Variants in AGAP1 observed in about 807,000 individuals in gnomAD.
The protein encoded by AGAP1 is arf-GAP with GTPase, ANK repeat and PH domain-containing protein 1.
AGAP1 carries 29 observed loss-of-function variants against 105.3 expected under a neutral mutation model. The ratio of observed to expected loss-of-function variants is 0.28; its 90% CI spans 0.21 to 0.38. The LOEUF is 0.38. Among genes scored for constraint, AGAP1 ranks in the 10% least tolerant of loss-of-function variants. The pLI is 1.00. For synonymous variants in AGAP1, 509 were observed against 485.9 expected (o/e 1.05, Z -0.63); for missense variants, 998 against 1,165.1 (o/e 0.86, Z 2.09).
At chr2:235,853,135 T>C (rs1397542577) in intron 9 of AGAP1, 18 of 1,177,962 alleles carry the variant, frequency 1.5e-5, no homozygotes, top group South Asian at 4.3e-5. Context: ...AAAAAACATT[T>C]ACTGGCGCTT....
chr2:235,527,156 A>G (rs532295006), intron 1 of AGAP1, among the ~76,000 whole-genome samples: 2 of 152,342 alleles, frequency 1.3e-5, no homozygotes, highest in South Asian at 4.1e-4. Context: ...CCTGGAGATG[A>G]GAAACGGTGG....
rs2059724708 is a variant in AGAP1 at position 236,114,574 on chromosome 2, G to A, written c.2115-5618G>A. Among the ~76,000 whole-genome samples, 1 of 152,180 alleles carries A rather than the reference G, an allele frequency of 6.6e-6. No homozygotes were observed. Among genetic ancestry groups the A allele is most frequent in the South Asian group, 2.1e-4 (1 of 4,824 alleles). ...CAGGGTGCCCGCAGGGTTGGTTCTG[G>A]TGAGACCTCTCTCCCTGGCTGACAG... On this transcript the variant is annotated intron_variant, in intron 16 of 17. Transcript: ENST00000304032. This position sits in a 1 kb window ranked among gnomAD's most constrained non-coding sequence, Gnocchi z 5.0.
rs531299608 is a variant in AGAP1 at position 235,982,613 on chromosome 2, T to C, written c.1645+13990T>C. Reference sequence around the variant, plus strand: ...CTCTCCCAGGCTCATTGAAGGAACATAGAGAAGGTTTAGGCCCTGTTTCTT... The same window carrying C: ...CTCTCCCAGGCTCATTGAAGGAACACAGAGAAGGTTTAGGCCCTGTTTCTT... On this transcript the variant is annotated intron_variant, in intron 13 of 17. Coordinates refer to ENST00000304032, the MANE Select transcript of AGAP1 (RefSeq NM_001037131.3). The surrounding 1 kb of genome is among the most constrained non-coding windows in gnomAD (Gnocchi z 4.9). 1.1e-3 allele frequency among the ~76,000 whole-genome samples: 173 copies of C among 152,334 alleles called. No homozygotes were observed. Among genetic ancestry groups the C allele is most frequent in the African/African-American group, 3.6e-3 (148 of 41,578 alleles).
rs13393429 is a variant in AGAP1, at chr2:235,787,290, C to T, written c.674-10469C>T. On this transcript the variant is annotated intron_variant, in intron 6 of 17. Transcript: ENST00000304032. The surrounding 1 kb of genome is among the most constrained non-coding windows in gnomAD (Gnocchi z 4.4). ...TGCTAATGACTTCCTGTTCCACAGG[C>T]GTAACACTTTCTAATGTTTCATTCA... Among the ~76,000 whole-genome samples the T allele has an allele frequency of 8.5e-5, 13 of 152,344 alleles. No individual in the cohort carries two copies. Among genetic ancestry groups the T allele is most frequent in the African/African-American group, 2.9e-4 (12 of 41,588 alleles).
At chr2:236,026,157 A>G (rs1357074992) in intron 13 of AGAP1, among the ~76,000 whole-genome samples, 1 of 152,242 alleles carries the variant, frequency 6.6e-6, no homozygotes, top group Non-Finnish European at 1.5e-5. Context: ...GACAGGTCCC[A>G]GATAAGAGGG....
At position 235,528,292 on chromosome 2, in the gene AGAP1, C is replaced by T. The variant is rs969909034; in HGVS notation, c.163+33443C>T. Among the ~76,000 whole-genome samples, 15 of 152,090 alleles carry T rather than the reference C, an allele frequency of 9.9e-5. 1 individual carries two copies. In the South Asian group the frequency reaches 1.0e-3, roughly 11 times the overall value. The stretch of plus-strand genomic sequence containing the variant: ...TGAGCCATGCCAGGCTGCTGGAGCG[C>T]ACAAATTCTTTCACCCCAGCAAGCC... On this transcript the variant is annotated intron_variant, in intron 1 of 17. Coordinates refer to ENST00000304032, the MANE Select transcript of AGAP1 (RefSeq NM_001037131.3).
chr2:235,976,644 G>A lies in AGAP1; in HGVS notation c.1645+8021G>A, dbSNP rs943775198. Reference sequence around the variant, plus strand: ...GCACGCAAGAGTTTTGTCTGATGCTGGATGGGACATCAACTGAAGCGGCCC... The same window carrying A: ...GCACGCAAGAGTTTTGTCTGATGCTAGATGGGACATCAACTGAAGCGGCCC... On this transcript the variant is annotated intron_variant, in intron 13 of 17. Transcript: ENST00000304032. The surrounding 1 kb of genome is among the most constrained non-coding windows in gnomAD (Gnocchi z 4.5). 6.6e-6 allele frequency among the ~76,000 whole-genome samples: 1 copy of A among 152,122 alleles called. No homozygotes were observed. Among genetic ancestry groups the A allele is most frequent in the Non-Finnish European group, 1.5e-5 (1 of 68,024 alleles).
chr2:235,822,748 G>A (rs907912864), intron 9 of AGAP1, among the ~76,000 whole-genome samples: 4 of 152,196 alleles, frequency 2.6e-5, no homozygotes, highest in East Asian at 1.9e-4. Flanking sequence ...GAGTGAGCCC[G>A]AGCTGGGAGT....
At chr2:235,598,513 A>G (rs886746013) in intron 1 of AGAP1, among the ~76,000 whole-genome samples, 1 of 152,190 alleles carries the variant, frequency 6.6e-6, no homozygotes, top group African/African-American at 2.4e-5. Flanking sequence ...GTTTCGTTTA[A>G]AGTTGCTGTT....
intron 11 of AGAP1, among the ~76,000 whole-genome samples, 188 bp downstream of exon 11, chr2:235,909,094 G>A (rs1027687080): frequency 2.0e-4 from 31 of 152,300 alleles, no homozygotes; most frequent in African/African-American, 7.0e-4. Flanking sequence ...AAATGCCAGC[G>A]AGCAAATGGT....
At chr2:235,670,293 C>T (rs1948317325) in intron 1 of AGAP1, 3 of 444,838 alleles carry the variant, frequency 6.7e-6, no homozygotes, top group Non-Finnish European at 7.8e-6. Context: ...TCCCCGGACG[C>T]GCCCGGGAGG....
intron 1 of AGAP1, among the ~76,000 whole-genome samples, chr2:235,575,361 C>T (rs1030639357): frequency 1.3e-5 from 2 of 152,160 alleles, no homozygotes; most frequent in African/African-American, 4.8e-5. Flanking sequence ...TTAGGATAAA[C>T]TTAAGATTTG....
intron 1 of AGAP1, among the ~76,000 whole-genome samples, chr2:235,704,999 G>A (rs1247614503): frequency 1.4e-5 from 1 of 71,816 alleles, no homozygotes; most frequent in African/African-American, 4.9e-5. Context: ...TTTTTTTTGC[G>A]ACAGAGTCTC....
rs574131512 is a variant in AGAP1, at chr2:235,883,750, A to G, written c.1155+301A>G. Among the ~76,000 whole-genome samples, 4 of 152,354 alleles carry G rather than the reference A, an allele frequency of 2.6e-5. No individual in the cohort carries two copies. The East Asian group carries it at 7.7e-4, about 29-fold the overall frequency. ...GAGTAAAAAGACAGGGGCAAGGAGAAAAGAGAAAGGAGAGAAGAGTGGTCT... is the reference window on the plus strand; with the variant it reads ...GAGTAAAAAGACAGGGGCAAGGAGAGAAGAGAAAGGAGAGAAGAGTGGTCT... On this transcript the variant is annotated intron_variant, in intron 10 of 17. Transcript: ENST00000304032. This position sits in a 1 kb window ranked among gnomAD's most constrained non-coding sequence, Gnocchi z 4.5.
rs181446335 is a variant in AGAP1 at position 235,794,472 on chromosome 2, A to T, written c.674-3287A>T. Reference sequence around the variant, plus strand: ...GTGACAAAGCTTCCAGATTTTTTTTAAATTAAATTTAATTTTTTTGCGATA... The same window carrying T: ...GTGACAAAGCTTCCAGATTTTTTTTTAATTAAATTTAATTTTTTTGCGATA... On this transcript the variant is annotated intron_variant, in intron 6 of 17. Transcript: ENST00000304032. Among the ~76,000 whole-genome samples, 20 of 152,166 alleles carry T rather than the reference A, an allele frequency of 1.3e-4. No homozygotes were observed. In the East Asian group the frequency reaches 3.1e-3, roughly 24 times the overall value.
rs188075445 is a variant in AGAP1 at position 235,649,247 on chromosome 2, A to T, written c.164-59932A>T. Among the ~76,000 whole-genome samples, 185 of 152,208 alleles carry T rather than the reference A, an allele frequency of 1.2e-3. 1 individual carries two copies. Among genetic ancestry groups the T allele is most frequent in the African/African-American group, 4.2e-3 (174 of 41,528 alleles). On this transcript the variant is annotated intron_variant, in intron 1 of 17. Coordinates refer to ENST00000304032, the MANE Select transcript of AGAP1 (RefSeq NM_001037131.3). Reference sequence around the variant, plus strand: ...TCAGTCTTTCCTAGGCTCAGGAGTGAGTCTAGAGGCCATGTTTATGCACAG... The same window carrying T: ...TCAGTCTTTCCTAGGCTCAGGAGTGTGTCTAGAGGCCATGTTTATGCACAG...
At chr2:235,968,434 T>TG in intron 12 of AGAP1, 28 bp from the exon 13 acceptor site, 1 of 1,546,100 alleles carries the variant, frequency 6.5e-7, no homozygotes, top group Non-Finnish European at 8.7e-7. Context: ...TTTTTTTTTT[T>TG]TTTTTGCCTT....
chr2:236,121,444 G>GT lies in AGAP1; in HGVS notation c.2370+998dup, dbSNP rs1352681586. ...GCCTCCCAGGAAGCTGGGATTACAG[G>GT]TGCGCACCACCACGCCCAGCTAATT... On this transcript the variant is annotated intron_variant, in intron 17 of 17. Coordinates refer to ENST00000304032, the MANE Select transcript of AGAP1 (RefSeq NM_001037131.3). The surrounding 1 kb of genome is among the most constrained non-coding windows in gnomAD (Gnocchi z 4.9). Among the ~76,000 whole-genome samples, 1 of 152,106 alleles carries GT rather than the reference G, an allele frequency of 6.6e-6. No homozygotes were observed. The highest frequency in any genetic ancestry group is 1.5e-5 in the Non-Finnish European group (1 of 68,032).
rs563819128 is a variant in AGAP1, at chr2:235,979,620, A to G, written c.1645+10997A>G. Among the ~76,000 whole-genome samples, 2 of 152,306 alleles carry G rather than the reference A, an allele frequency of 1.3e-5. No homozygotes were observed. Among genetic ancestry groups the G allele is most frequent in the South Asian group, 2.1e-4 (1 of 4,830 alleles). On this transcript the variant is annotated intron_variant, in intron 13 of 17. Coordinates refer to ENST00000304032, the MANE Select transcript of AGAP1 (RefSeq NM_001037131.3). This position sits in a 1 kb window ranked among gnomAD's most constrained non-coding sequence, Gnocchi z 4.5. The stretch of plus-strand genomic sequence containing the variant: ...AGGCGCAGCGAACGTTCCGGCAGGC[A>G]TTGCCGTGCACGGACACACAACTTC...
Sources: allele counts gnomAD v4.1 joint callset (sites outside exome capture counted in the v4.1 genomes callset), GRCh38; gene constraint gnomAD v4.1.1; non-coding constraint Gnocchi (gnomAD v3.1); transcripts MANE v1.5; gene names NCBI Gene and HGNC (gene_info 2026-07-23, HGNC 2026-07-21).